Variants in SEC23IP observed in about 807,000 individuals in gnomAD.
The protein encoded by SEC23IP is SEC23-interacting protein.
A neutral mutation model predicts 113.4 loss-of-function variants in SEC23IP; 70 were observed. The ratio of observed to expected loss-of-function variants is 0.62; its 90% CI spans 0.51 to 0.75. The LOEUF is 0.75. SEC23IP is among the 30% of genes least tolerant of loss of function. The pLI, the probability that SEC23IP is intolerant of heterozygous loss-of-function variation, is 0.00. For synonymous variants in SEC23IP, 398 were observed against 421.0 expected (o/e 0.95, Z 0.67); for missense variants, 1,160 against 1,204.9 (o/e 0.96, Z 0.55).
At chr10:119,931,169 G>C (rs1855586606) in intron 15 of SEC23IP, among the ~76,000 whole-genome samples, 2 of 151,398 alleles carry the variant, frequency 1.3e-5, no homozygotes, top group African/African-American at 4.9e-5. Context: ...TTTAAATTGT[G>C]GTTTTATCAG....
At chr10:119,921,713 T>A (rs1450167653) in intron 12 of SEC23IP, among the ~76,000 whole-genome samples, 1 of 152,236 alleles carries the variant, frequency 6.6e-6, no homozygotes, top group Admixed American at 6.5e-5. Flanking sequence ...AAAATATACT[T>A]GTTTTATTAA....
At chr10:119,900,311 A>G (rs1287301288) in intron 2 of SEC23IP, among the ~76,000 whole-genome samples, 1 of 150,710 alleles carries the variant, frequency 6.6e-6, no homozygotes, top group Non-Finnish European at 1.5e-5. Flanking sequence ...ATATATATAT[A>G]TAAAATTTTT....
chr10:119,931,646 G>A lies in SEC23IP; in HGVS notation c.2573-487G>A, dbSNP rs540456135. 2.9e-4 allele frequency among the ~76,000 whole-genome samples: 44 copies of A among 150,722 alleles called. No homozygotes were observed. The South Asian group carries it at 8.4e-3, about 29-fold the overall frequency. Reference sequence around the variant, plus strand: ...TGGCTCACTGCAAGCTCTGCCTCCCGGGTTCATGCCATTCTCCTGCCTCAG... The same window carrying A: ...TGGCTCACTGCAAGCTCTGCCTCCCAGGTTCATGCCATTCTCCTGCCTCAG... On this transcript the variant is annotated intron_variant, in intron 15 of 18. Coordinates refer to ENST00000369075, the MANE Select transcript of SEC23IP (RefSeq NM_007190.4).
At chr10:119,928,193 CAT>C (rs1329165826) in intron 13 of SEC23IP, among the ~76,000 whole-genome samples, 2 of 152,088 alleles carry the variant, frequency 1.3e-5, no homozygotes, top group African/African-American at 4.8e-5. Context: ...GTTATTTTCT[CAT>C]ATGTTTTTTA....
intron 12 of SEC23IP, among the ~76,000 whole-genome samples, chr10:119,923,739 G>A (rs1192639215): frequency 6.6e-6 from 1 of 151,982 alleles, no homozygotes; most frequent in East Asian, 1.9e-4. Context: ...AGTAGAGATG[G>A]GGTTTCACCA....
intron 2 of SEC23IP, among the ~76,000 whole-genome samples, chr10:119,899,613 TTAGAGA>T (rs1468288219): frequency 1.3e-5 from 2 of 152,194 alleles, no homozygotes; most frequent in African/African-American, 2.4e-5. Flanking sequence ...AACTTCTCTG[TTAGAGA>T]TAGAGAATGG....
Position 119,926,093 on chromosome 10 carries a change from C to T in SEC23IP, c.2179C>T (p.Gln727Ter). 6.2e-7 allele frequency: 1 copy of T among 1,614,076 alleles called. No homozygotes were observed. The highest frequency in any genetic ancestry group is 8.5e-7 in the Non-Finnish European group (1 of 1,179,988). The change falls in exon 13 of 19, where the codon CAA (glutamine) becomes TAA (stop). Residue 727 changes from glutamine to a stop codon, truncating the protein, a stop_gained. Coordinates refer to ENST00000369075, the MANE Select transcript of SEC23IP (RefSeq NM_007190.4). LOFTEE classifies it high-confidence loss of function. ...VAATSTKGQE[Q>*]SAQKTKDMAS... ...GGCCACTTCTACAAAAGGACAAGAGCAAAGTGCCCAGAAGACTAAAGACAT... is the reference window on the plus strand; with the variant it reads ...GGCCACTTCTACAAAAGGACAAGAGTAAAGTGCCCAGAAGACTAAAGACAT...
intron 1 of SEC23IP, among the ~76,000 whole-genome samples, chr10:119,896,010 G>A (rs1854272240): frequency 6.6e-6 from 1 of 152,222 alleles, no homozygotes; most frequent in Non-Finnish European, 1.5e-5. Flanking sequence ...AGAAAGACTG[G>A]AGTTTTCTCT....
intron 13 of SEC23IP, 96 bp from the exon 14 acceptor site, chr10:119,929,511 G>C: frequency 9.8e-7 from 1 of 1,015,306 alleles, no homozygotes; most frequent in Non-Finnish European, 1.5e-6. Flanking sequence ...TGGGATTACA[G>C]GCATGAGCCA....
intron 5 of SEC23IP, among the ~76,000 whole-genome samples, chr10:119,910,053 A>G (rs1349558005): frequency 1.3e-5 from 2 of 152,244 alleles, no homozygotes; most frequent in Non-Finnish European, 2.9e-5. Context: ...AGGCTTTGCA[A>G]GTTACATGTT....
At chr10:119,937,773 T>C (rs1855845420) in intron 18 of SEC23IP, among the ~76,000 whole-genome samples, 1 of 152,226 alleles carries the variant, frequency 6.6e-6, no homozygotes, top group Admixed American at 6.5e-5. Context: ...ACAATTTAAC[T>C]TTTTTCTTAC....
rs779659754 is a variant in SEC23IP at position 119,892,768 on chromosome 10, C to G, written c.-15C>G. 6.3e-7 allele frequency: 1 copy of G among 1,597,512 alleles called. No individual in the cohort carries two copies. The highest frequency in any genetic ancestry group is 1.7e-5 in the Admixed American group (1 of 58,192). ...CGGGTACCCGGAGACGTGTATCGGA[C>G]GGTGGGCCGCAGCCATGGCCGAGAG... is the stretch of plus-strand genomic sequence containing the variant. On this transcript the variant is annotated 5_prime_UTR_variant, in exon 1 of 19. Coordinates refer to ENST00000369075, the MANE Select transcript of SEC23IP (RefSeq NM_007190.4).
intron 4 of SEC23IP, among the ~76,000 whole-genome samples, chr10:119,906,039 G>T (rs1204953437): frequency 6.6e-6 from 1 of 152,072 alleles, no homozygotes; most frequent in East Asian, 1.9e-4. Flanking sequence ...ACTCTGGGAG[G>T]CCAAGGTGGG....
At chr10:119,931,859 C>T (rs907213009) in intron 15 of SEC23IP, among the ~76,000 whole-genome samples, 2 of 151,614 alleles carry the variant, frequency 1.3e-5, no homozygotes, top group African/African-American at 2.4e-5. Flanking sequence ...AATGTGCTTA[C>T]GTTTTTATGG....
chr10:119,908,499 G>C (rs1854752745), intron 4 of SEC23IP, among the ~76,000 whole-genome samples: 1 of 152,156 alleles, frequency 6.6e-6, no homozygotes, highest in South Asian at 2.1e-4. Context: ...ACTGGAATAG[G>C]ATGGGCCCCA....
At position 119,941,111 on chromosome 10, in the gene SEC23IP, G is replaced by A. The variant is rs1855951166; in HGVS notation, c.*546G>A. Reference sequence around the variant, plus strand: ...ATGCAAGGTCATTTATATTTGTTAAGAGGAAATAATCAAGATCACTCATAT... The same window carrying A: ...ATGCAAGGTCATTTATATTTGTTAAAAGGAAATAATCAAGATCACTCATAT... On this transcript the variant is annotated 3_prime_UTR_variant, in exon 19 of 19. Transcript: ENST00000369075. 6.6e-6 allele frequency: 1 copy of A among 152,196 alleles called. No homozygotes were observed. The highest frequency in any genetic ancestry group is 6.5e-5 in the Admixed American group (1 of 15,286). The allele number at this position is 152,196 out of a possible 1,614,324, so 9.4% of individuals were successfully genotyped here.
rs1222851948 is a variant in SEC23IP at position 119,912,161 on chromosome 10, G to A, written c.1309G>A (p.Asp437Asn). The change falls in exon 6 of 19, where the codon GAC becomes AAC. Residue 437 changes from aspartate (D) to asparagine (N), a missense_variant. By Grantham distance (23) the Asp-to-Asn change is conservative (BLOSUM62 1). Transcript: ENST00000369075. ...GIDDNLDEIP[D>N]GEMPQVDHLV... Reference sequence around the variant, plus strand: ...TGATGATAACCTTGATGAAATTCCCGACGGTGTGTATAGTTTGTTTAGAAC... The same window carrying A: ...TGATGATAACCTTGATGAAATTCCCAACGGTGTGTATAGTTTGTTTAGAAC... 35 of 1,613,958 alleles carry A rather than the reference G, an allele frequency of 2.2e-5. 1 individual carries two copies. Among genetic ancestry groups the A allele is most frequent in the Middle Eastern group, 3.3e-4 (2 of 6,058 alleles).
At position 119,904,252 on chromosome 10, in the gene SEC23IP, C is replaced by T. The variant is rs1854590094; in HGVS notation, c.1076C>T (p.Thr359Ile). 1 of 1,614,166 alleles carries T rather than the reference C, an allele frequency of 6.2e-7. No homozygotes were observed. Among genetic ancestry groups the T allele is most frequent in the Non-Finnish European group, 8.5e-7 (1 of 1,180,022 alleles). ...GDTDSRFIPY[T>I]EEFSEKLEAE... ...ACAGATAGTCGATTTATTCCCTATA[C>T]TGAGGAGTTCAGTGAAAAACTAGAG... The change falls in exon 4 of 19, where the codon ACT (threonine) becomes ATT (isoleucine). Residue 359 changes from threonine to isoleucine, a missense_variant. By Grantham distance (89) the Thr-to-Ile change is moderately conservative. Coordinates refer to ENST00000369075, the MANE Select transcript of SEC23IP (RefSeq NM_007190.4).
At chr10:119,907,410 T>TA (rs774360948) in intron 4 of SEC23IP, among the ~76,000 whole-genome samples, 11 of 152,322 alleles carry the variant, frequency 7.2e-5, no homozygotes, top group Non-Finnish European at 1.2e-4. Flanking sequence ...TACTCACTGT[T>TA]ACTAGTTTTA....
Sources: gnomAD v4.1 joint callset for allele counts (sites outside exome capture counted in the v4.1 genomes callset) on GRCh38, gnomAD v4.1.1 for gene constraint, MANE v1.5 for transcripts, NCBI Gene and HGNC (gene_info 2026-07-23, HGNC 2026-07-21) for gene names.